The following ARFGEF3 variants were observed in gnomAD, a reference collection of about 807,000 sequenced individuals.
ARFGEF3 encodes brefeldin A-inhibited guanine nucleotide-exchange protein 3.
Under a neutral mutation model 221.7 loss-of-function variants are expected in ARFGEF3, and 96 were observed. The ratio of observed to expected loss-of-function variants is 0.43; its 90% CI spans 0.37 to 0.51. ARFGEF3 has a LOEUF of 0.51. Among genes scored for constraint, ARFGEF3 ranks in the 20% least tolerant of loss-of-function variants. ARFGEF3 has a pLI of 0.00. For synonymous variants in ARFGEF3, 1,145 were observed against 1,126.8 expected (o/e 1.02, Z -0.32); for missense variants, 2,410 against 2,789.9 (o/e 0.86, Z 3.07).
Position 138,343,599 on chromosome 6 carries a change from C to T in ARFGEF3, c.*7113C>T, listed in dbSNP as rs988030293. The T allele has an allele frequency of 6.6e-6, 1 of 151,814 alleles. No individual in the cohort carries two copies. The highest frequency in any genetic ancestry group is 1.5e-5 in the Non-Finnish European group (1 of 67,966). 9.4% of individuals were successfully genotyped at this position (151,814 alleles called of 1,614,324 possible). On this transcript the variant is annotated 3_prime_UTR_variant, in exon 34 of 34. Coordinates refer to ENST00000251691, the MANE Select transcript of ARFGEF3 (RefSeq NM_020340.5). Reference sequence around the variant, plus strand: ...AGTAATTTATTTTTGTTTTACCAACCAGTGCCAAAAAGGAGAGGAGGGAAT... The same window carrying T: ...AGTAATTTATTTTTGTTTTACCAACTAGTGCCAAAAAGGAGAGGAGGGAAT...
At chr6:138,183,712 T>C (rs191270443) in intron 2 of ARFGEF3, among the ~76,000 whole-genome samples, 1 of 152,324 alleles carries the variant, frequency 6.6e-6, no homozygotes, top group East Asian at 1.9e-4. Context: ...TAGATCATCA[T>C]AATACAGATG....
intron 12 of ARFGEF3, among the ~76,000 whole-genome samples, chr6:138,272,200 G>C (rs911267361): frequency 6.7e-6 from 1 of 149,804 alleles, no homozygotes; most frequent in Non-Finnish European, 1.5e-5. Context: ...CTGTCACCCA[G>C]GCTGGAGTGC....
chr6:138,305,227 G>A (rs530325655), intron 22 of ARFGEF3, among the ~76,000 whole-genome samples: 13 of 151,016 alleles, frequency 8.6e-5, no homozygotes, highest in East Asian at 3.9e-4. Context: ...TGGGGCCTGC[G>A]TTTCTGTGAT....
chr6:138,327,196 C>T (rs1004349961), intron 31 of ARFGEF3, among the ~76,000 whole-genome samples: 1 of 152,152 alleles, frequency 6.6e-6, no homozygotes, highest in Non-Finnish European at 1.5e-5. Flanking sequence ...TGCAGTAAGC[C>T]ACCATGACAC....
Position 138,335,128 on chromosome 6 carries a change from C to A in ARFGEF3, c.6282C>A (p.Arg2094=). The A allele has an allele frequency of 6.3e-7, 1 of 1,597,522 alleles. No homozygotes were observed. Among genetic ancestry groups the A allele is most frequent in the Non-Finnish European group, 8.5e-7 (1 of 1,174,054 alleles). The change falls in exon 33 of 34, where the codon CGC becomes CGA. Residue 2094 remains arginine (R), a synonymous_variant. Transcript: ENST00000251691. ...TGCTGCGACAGGACAAGAGGCCCCGCTCAGGCTCCACCGGGAGCTCCCTCA... is the reference window on the plus strand; with the variant it reads ...TGCTGCGACAGGACAAGAGGCCCCGATCAGGCTCCACCGGGAGCTCCCTCA... ...PELLRQDKRP[R]SGSTGSSLSV...
intron 2 of ARFGEF3, among the ~76,000 whole-genome samples, chr6:138,199,576 T>C (rs1038064672): frequency 2.0e-5 from 3 of 152,268 alleles, no homozygotes; most frequent in African/African-American, 4.8e-5. Flanking sequence ...TAGTTTCCCT[T>C]GTAGAGATCT....
chr6:138,222,116 C>G (rs1188428990), intron 4 of ARFGEF3, among the ~76,000 whole-genome samples: 8 of 152,312 alleles, frequency 5.3e-5, no homozygotes, highest in African/African-American at 1.7e-4. Flanking sequence ...GTCCTAGATT[C>G]TAGCTGTCAG....
chr6:138,331,620 T>C (rs2114695316), intron 32 of ARFGEF3, among the ~76,000 whole-genome samples: 1 of 152,360 alleles, frequency 6.6e-6, no homozygotes, highest in African/African-American at 2.4e-5. Flanking sequence ...TATTAGCATG[T>C]TTTAAGTCAA....
At chr6:138,237,393 G>GA in intron 5 of ARFGEF3, among the ~76,000 whole-genome samples, 1 of 152,242 alleles carries the variant, frequency 6.6e-6, no homozygotes, top group South Asian at 2.1e-4. Flanking sequence ...CTTATGGAGA[G>GA]AAAAAAAGTA....
At chr6:138,278,656 G>A (rs373605292) in intron 13 of ARFGEF3, 39 bp downstream of exon 13, 5 of 1,606,536 alleles carry the variant, frequency 3.1e-6, no homozygotes, top group Middle Eastern at 1.7e-4. Flanking sequence ...CAGAGGGCAG[G>A]CTGTAACTTC....
chr6:138,332,451 AG>A (rs770694709), intron 32 of ARFGEF3, among the ~76,000 whole-genome samples: 8 of 152,196 alleles, frequency 5.3e-5, no homozygotes, highest in Middle Eastern at 3.2e-3. Flanking sequence ...TATAGCTATC[AG>A]GGGGACAGAC....
intron 12 of ARFGEF3, among the ~76,000 whole-genome samples, chr6:138,272,207 G>A (rs958182057): frequency 6.6e-6 from 1 of 151,930 alleles, no homozygotes; most frequent in Admixed American, 6.6e-5. Flanking sequence ...CCAGGCTGGA[G>A]TGCAGTGGCA....
intron 4 of ARFGEF3, among the ~76,000 whole-genome samples, chr6:138,219,115 A>G (rs1422620355): frequency 1.2e-4 from 19 of 152,204 alleles, no homozygotes; most frequent in Non-Finnish European, 1.5e-5. Context: ...TTTAATCAGG[A>G]GAAGAGTTCA....
chr6:138,174,306 A>G (rs1433401892), intron 2 of ARFGEF3, among the ~76,000 whole-genome samples: 1 of 152,034 alleles, frequency 6.6e-6, no homozygotes, highest in Non-Finnish European at 1.5e-5. Context: ...CATTAGGGAA[A>G]TGATATAAAG....
At chr6:138,163,585 TAAAC>T (rs1033691934) in intron 1 of ARFGEF3, among the ~76,000 whole-genome samples, 25 of 152,274 alleles carry the variant, frequency 1.6e-4, no homozygotes, top group African/African-American at 5.8e-4. Context: ...CAGATTTAGA[TAAAC>T]AGGGAGGAGG....
chr6:138,188,227 A>G (rs371293801), intron 2 of ARFGEF3, among the ~76,000 whole-genome samples: 1 of 152,116 alleles, frequency 6.6e-6, no homozygotes, highest in African/African-American at 2.4e-5. Flanking sequence ...TCCTGCTGCA[A>G]ATGACAGTGC....
In ARFGEF3 at chr6:138,307,432, T is replaced by G. The variant is rs774798410; in HGVS notation, c.3973+35T>G. 3.8e-6 allele frequency: 6 copies of G among 1,588,900 alleles called. No homozygotes were observed. The African/African-American group carries it at 6.7e-5, about 18-fold the overall frequency. On this transcript the variant is annotated intron_variant, in intron 23 of 33. Coordinates refer to ENST00000251691, the MANE Select transcript of ARFGEF3 (RefSeq NM_020340.5). Reference sequence around the variant, plus strand: ...TTTGGATGATTCTTGCTATTCAGCATTAATTCTCTGTGCCAAGTTTCATGC... The same window carrying G: ...TTTGGATGATTCTTGCTATTCAGCAGTAATTCTCTGTGCCAAGTTTCATGC...
intron 9 of ARFGEF3, among the ~76,000 whole-genome samples, chr6:138,254,283 G>A (rs1053459655): frequency 6.6e-6 from 1 of 151,878 alleles, no homozygotes; most frequent in Non-Finnish European, 1.5e-5. Context: ...GGGCATGGCA[G>A]TTGTGGGCAC....
intron 5 of ARFGEF3, among the ~76,000 whole-genome samples, chr6:138,232,085 T>C (rs1778203147): frequency 6.6e-6 from 1 of 152,242 alleles, no homozygotes; most frequent in South Asian, 2.1e-4. Flanking sequence ...TCTTCATTGA[T>C]TGAAAGCTGA....
Sources: allele counts gnomAD v4.1 joint callset (sites outside exome capture counted in the v4.1 genomes callset), GRCh38; gene constraint gnomAD v4.1.1; transcripts MANE v1.5; gene names NCBI Gene and HGNC (gene_info 2026-07-23, HGNC 2026-07-21).